Variants in WNT8B observed in about 807,000 individuals in gnomAD.
WNT8B encodes the protein Wnt family member 8B.
WNT8B carries 24 observed loss-of-function variants against 36.6 expected under a neutral mutation model. The ratio of observed to expected loss-of-function variants is 0.66; its 90% CI spans 0.48 to 0.92. The LOEUF (loss-of-function observed/expected upper bound fraction) is 0.92. Ranked by LOEUF, WNT8B falls within the 40% of genes least tolerant of loss-of-function variation. The probability of loss-of-function intolerance (pLI) is 0.00; values close to 1 mark genes in which losing one functional copy is unlikely to be tolerated. For synonymous variants in WNT8B, 199 were observed against 189.8 expected (o/e 1.05, Z -0.40); for missense variants, 402 against 470.8 (o/e 0.85, Z 1.35).
rs188593693 is a variant in WNT8B, at chr10:100,474,705, C to T, written c.69-4347C>T. Among the ~76,000 whole-genome samples the T allele has an allele frequency of 7.1e-3, 1,075 of 152,062 alleles. 8 individuals are homozygous for T. The highest frequency in any genetic ancestry group is 0.024 in the African/African-American group (995 of 41,512). ...TCAGCCTCCTGAGTAGCTGGGATTACAGGGGTGCATCACCACGCCCAGCTA... is the reference window on the plus strand; with the variant it reads ...TCAGCCTCCTGAGTAGCTGGGATTATAGGGGTGCATCACCACGCCCAGCTA... On this transcript the variant is annotated intron_variant, in intron 1 of 5. Transcript: ENST00000343737.
At chr10:100,466,599 T>A (rs570175991) in intron 1 of WNT8B, among the ~76,000 whole-genome samples, 1 of 152,144 alleles carries the variant, frequency 6.6e-6, no homozygotes, top group African/African-American at 2.4e-5. Context: ...TGCTCTAAGA[T>A]GCATCTTTGT....
chr10:100,476,866 T>C (rs535533713), intron 1 of WNT8B, among the ~76,000 whole-genome samples: 3 of 152,364 alleles, frequency 2.0e-5, no homozygotes, highest in South Asian at 4.1e-4. Context: ...CTTACAACGT[T>C]AGTACGATAT....
intron 1 of WNT8B, among the ~76,000 whole-genome samples, chr10:100,474,628 G>A (rs974090341): frequency 1.3e-5 from 2 of 152,002 alleles, no homozygotes; most frequent in African/African-American, 4.8e-5. Flanking sequence ...GCAGTGGCAC[G>A]ATCTTGGCTC....
intron 1 of WNT8B, among the ~76,000 whole-genome samples, chr10:100,475,057 A>G (rs1419393196): frequency 6.6e-6 from 1 of 151,516 alleles, no homozygotes; most frequent in Non-Finnish European, 1.5e-5. Flanking sequence ...CCTGGCCAAC[A>G]TGGTGAAACC....
At chr10:100,480,919 A>G (rs1851101448) in intron 3 of WNT8B, 79 bp from the exon 4 acceptor site, 2 of 1,493,344 alleles carry the variant, frequency 1.3e-6, no homozygotes, top group Admixed American at 3.6e-5. Flanking sequence ...AATGATGGTT[A>G]TTAAAGAAAG....
chr10:100,470,478 A>G (rs545099032), intron 1 of WNT8B, among the ~76,000 whole-genome samples: 1 of 152,076 alleles, frequency 6.6e-6, no homozygotes, highest in South Asian at 2.1e-4. Context: ...CAATCGGCCC[A>G]CTTTGGCCTC....
At chr10:100,478,936 T>C (rs1399227884) in intron 1 of WNT8B, 116 bp from the exon 2 acceptor site, 2 of 881,626 alleles carry the variant, frequency 2.3e-6, no homozygotes, top group Admixed American at 3.0e-5. Flanking sequence ...GTAAAACTAG[T>C]TTCCCTTTCT....
intron 3 of WNT8B, 25 bp downstream of exon 3, chr10:100,480,037 C>T: frequency 6.2e-7 from 1 of 1,610,590 alleles, no homozygotes; most frequent in Non-Finnish European, 8.5e-7. Context: ...AGCCACAGCT[C>T]CCTGGACCCT....
rs1851122237 is a variant in WNT8B at position 100,482,192 on chromosome 10, C to A, written c.511-79C>A. 1 of 1,533,156 alleles carries A rather than the reference C, an allele frequency of 6.5e-7. No homozygotes were observed. The highest frequency in any genetic ancestry group is 8.8e-7 in the Non-Finnish European group (1 of 1,142,696). 95.0% of individuals were successfully genotyped at this position (1,533,156 alleles called of 1,614,324 possible). Reference sequence around the variant, plus strand: ...GGGCTGGCCCAGTAGACTAACTAGACTTCTCGCAACTCCCACAGGGGCAGT... The same window carrying A: ...GGGCTGGCCCAGTAGACTAACTAGAATTCTCGCAACTCCCACAGGGGCAGT... On this transcript the variant is annotated intron_variant, in intron 5 of 5. Transcript: ENST00000343737. The surrounding 1 kb of genome is among the most constrained non-coding windows in gnomAD (Gnocchi z 6.6).
intron 1 of WNT8B, among the ~76,000 whole-genome samples, chr10:100,472,624 A>C (rs1850991916): frequency 6.6e-6 from 1 of 152,216 alleles, no homozygotes; most frequent in African/African-American, 2.4e-5. Flanking sequence ...ACTTTATATC[A>C]GTGTATACAC....
At chr10:100,473,808 C>T (rs927505417) in intron 1 of WNT8B, among the ~76,000 whole-genome samples, 5 of 152,058 alleles carry the variant, frequency 3.3e-5, no homozygotes, top group Non-Finnish European at 5.9e-5. Flanking sequence ...TGCCTGTAAT[C>T]GCAGCTTCTT....
At chr10:100,466,633 G>A (rs1036198744) in intron 1 of WNT8B, among the ~76,000 whole-genome samples, 11 of 152,034 alleles carry the variant, frequency 7.2e-5, no homozygotes, top group African/African-American at 2.4e-4. Context: ...TTTGGTGGAT[G>A]ACAACATGAC....
chr10:100,464,182 TTGAAAATACATTTTTATCATAAA>T (rs1460230085), intron 1 of WNT8B, among the ~76,000 whole-genome samples: 2 of 152,196 alleles, frequency 1.3e-5, no homozygotes, highest in Non-Finnish European at 2.9e-5. Flanking sequence ...CCTTTGAGAA[TTGAAAATACATTTTTATCATAAA>T]TGAGTGTAGC....
chr10:100,482,677 T>C lies in WNT8B; in HGVS notation c.917T>C (p.Val306Ala), dbSNP rs1483567752. Residue 306 changes from valine (V) to alanine (A), a missense_variant, in exon 6 of 6, where the codon GTG (valine) becomes GCG (alanine). Val to Ala is a moderately conservative substitution (Grantham distance 64). Around this residue, in one of 3 missense-constraint regions of WNT8B, gnomAD observed 256 missense variants for 278.6 expected, o/e 0.92. Transcript: ENST00000343737. This position sits in a 1 kb window ranked among gnomAD's most constrained non-coding sequence, Gnocchi z 6.6. ...LAVEERRAETVSSCNCKFHWC... is the reference protein window; with the variant it reads ...LAVEERRAETASSCNCKFHWC... ...GTGGAGGAGCGCCGGGCCGAGACCG[T>C]GTCCAGCTGCAACTGCAAGTTCCAC... The C allele has an allele frequency of 1.9e-6, 3 of 1,609,574 alleles. No individual in the cohort carries two copies. The highest frequency in any genetic ancestry group is 2.5e-6 in the Non-Finnish European group (3 of 1,179,188).
Position 100,482,630 on chromosome 10 carries a change from C to T in WNT8B, c.870C>T (p.Leu290=), listed in dbSNP as rs756321823. Residue 290 remains leucine (L), a synonymous_variant, in exon 6 of 6, where the codon CTC becomes CTT. Coordinates refer to ENST00000343737, the MANE Select transcript of WNT8B (RefSeq NM_003393.4). The surrounding 1 kb of genome is among the most constrained non-coding windows in gnomAD (Gnocchi z 6.6). ...GRWERRSCRR[L]CGDCGLAVEE... ...GGGAACGCCGCAGCTGCCGCCGGCTCTGCGGGGACTGCGGGCTGGCGGTGG... is the reference window on the plus strand; with the variant it reads ...GGGAACGCCGCAGCTGCCGCCGGCTTTGCGGGGACTGCGGGCTGGCGGTGG... 14 of 1,602,874 alleles carry T rather than the reference C, an allele frequency of 8.7e-6. No homozygotes were observed. The highest frequency in any genetic ancestry group is 1.1e-5 in the Non-Finnish European group (13 of 1,177,850).
chr10:100,481,833 C>A, intron 4 of WNT8B, 79 bp from the exon 5 acceptor site: 1 of 1,573,224 alleles, frequency 6.4e-7, no homozygotes, highest in Non-Finnish European at 8.6e-7. Context: ...CCCCCACCCC[C>A]AACCCAATTA....
chr10:100,481,039 G>A lies in WNT8B; in HGVS notation c.283G>A (p.Gly95Arg). ...TAFVHAISSA[G>R]VMYTLTRNCS... Reference sequence around the variant, plus strand: ...ATTTGTGCATGCCATCAGTTCTGCTGGAGTCATGTACACCCTGACTAGAAA... The same window carrying A: ...ATTTGTGCATGCCATCAGTTCTGCTAGAGTCATGTACACCCTGACTAGAAA... Residue 95 changes from glycine to arginine, a missense_variant, in exon 4 of 6, where the codon GGA (glycine) becomes AGA (arginine). This residue lies in a region of WNT8B where 131 missense variants were observed against 152.6 expected (regional missense o/e 0.86). Coordinates refer to ENST00000343737, the MANE Select transcript of WNT8B (RefSeq NM_003393.4). The A allele has an allele frequency of 6.2e-7, 1 of 1,614,020 alleles. No individual in the cohort carries two copies. Among genetic ancestry groups the A allele is most frequent in the Non-Finnish European group, 8.5e-7 (1 of 1,179,994 alleles).
intron 4 of WNT8B, 97 bp from the exon 5 acceptor site, chr10:100,481,815 C>T: frequency 3.3e-6 from 5 of 1,518,524 alleles, no homozygotes; most frequent in East Asian, 4.8e-5. Context: ...CCTCTCCTAT[C>T]CTGGACCCCC....
At position 100,482,909 on chromosome 10, in the gene WNT8B, T is replaced by C. The variant is rs1380060349; in HGVS notation, c.*93T>C. 1.8e-5 allele frequency: 24 copies of C among 1,346,572 alleles called. No homozygotes were observed. The highest frequency in any genetic ancestry group is 2.2e-5 in the Non-Finnish European group (22 of 1,016,952). The allele number at this position is 1,346,572 out of a possible 1,614,324, so 83.4% of individuals were successfully genotyped here. The stretch of plus-strand genomic sequence containing the variant: ...AACCTAGGGAATGGGGAACCCGCTC[T>C]CCCAGACCTAGGGATCCTGAGAGGG... On this transcript the variant is annotated 3_prime_UTR_variant, in exon 6 of 6. Transcript: ENST00000343737. The surrounding 1 kb of genome is among the most constrained non-coding windows in gnomAD (Gnocchi z 6.6).
Sources: allele counts gnomAD v4.1 joint callset (sites outside exome capture counted in the v4.1 genomes callset), GRCh38; gene constraint gnomAD v4.1.1; regional missense constraint gnomAD v4.1.1; non-coding constraint Gnocchi (gnomAD v3.1); transcripts MANE v1.5; gene names NCBI Gene and HGNC (gene_info 2026-07-23, HGNC 2026-07-21).